The following GRIN2D variants were observed in gnomAD, a reference collection of about 807,000 sequenced individuals.
GRIN2D encodes the protein glutamate ionotropic receptor NMDA type subunit 2D, also known as glutamate receptor ionotropic, NMDA 2D.
GRIN2D carries 37 observed loss-of-function variants against 103.2 expected under a neutral mutation model. The ratio of observed to expected loss-of-function variants is 0.36; its 90% CI spans 0.28 to 0.47. GRIN2D has a LOEUF of 0.47. Among genes scored for constraint, GRIN2D ranks in the 20% least tolerant of loss-of-function variants. The pLI is 1.00. For synonymous variants in GRIN2D, 845 were observed against 885.6 expected (o/e 0.95, Z 0.81); for missense variants, 1,557 against 1,910.6 (o/e 0.81, Z 3.45).
intron 11 of GRIN2D, among the ~76,000 whole-genome samples, chr19:48,424,333 C>G (rs1388747798): frequency 1.4e-5 from 2 of 144,710 alleles, no homozygotes; most frequent in Admixed American, 7.1e-5. Context: ...TGCAGTGGCA[C>G]AATCTCGGCT....
rs935135704 is a variant in GRIN2D at position 48,398,838 on chromosome 19, C to T, written c.446C>T (p.Ala149Val). 4.2e-5 allele frequency: 58 copies of T among 1,384,334 alleles called. No individual in the cohort carries two copies. The highest frequency in any genetic ancestry group is 5.4e-5 in the Non-Finnish European group (58 of 1,069,676). 85.8% of individuals were successfully genotyped at this position (1,384,334 alleles called of 1,614,324 possible). The change falls in exon 3 of 14, where the codon GCG (alanine) becomes GTG (valine). Residue 149 changes from alanine (A) to valine (V), a missense_variant. Transcript: ENST00000263269. Reference sequence around the variant, plus strand: ...ATCGTGGCCGTGCACGGCGGCGCCGCGCTCGTGCTCACGCCCAAGGTGCGC... The same window carrying T: ...ATCGTGGCCGTGCACGGCGGCGCCGTGCTCGTGCTCACGCCCAAGGTGCGC... ...LPIVAVHGGA[A>V]LVLTPKEKGS...
chr19:48,414,530 G>C lies in GRIN2D; in HGVS notation c.1358G>C (p.Gly453Ala), dbSNP rs1322587826. 5 of 1,560,180 alleles carry C rather than the reference G, an allele frequency of 3.2e-6. No individual in the cohort carries two copies. Among genetic ancestry groups the C allele is most frequent in the Admixed American group, 1.9e-5 (1 of 51,754 alleles). ...VIVEPADPIS[G>A]TCIRDSVPCR... is the part of the protein sequence containing the mutation. Reference sequence around the variant, plus strand: ...GTGGAGCCTGCAGACCCTATCAGCGGCACCTGCATCCGAGACTCCGTCCCC... The same window carrying C: ...GTGGAGCCTGCAGACCCTATCAGCGCCACCTGCATCCGAGACTCCGTCCCC... The change falls in exon 6 of 14, where the codon GGC becomes GCC. Residue 453 changes from glycine (G) to alanine (A), a missense_variant. This residue lies in a region of GRIN2D where 197 missense variants were observed against 334.1 expected (regional missense o/e 0.59). Coordinates refer to ENST00000263269, the MANE Select transcript of GRIN2D (RefSeq NM_000836.4). This position sits in a 1 kb window ranked among gnomAD's most constrained non-coding sequence, Gnocchi z 4.6.
intron 4 of GRIN2D, among the ~76,000 whole-genome samples, chr19:48,407,589 G>C (rs1017567342): frequency 6.6e-6 from 1 of 152,268 alleles, no homozygotes; most frequent in South Asian, 2.1e-4. Flanking sequence ...TGTGACCTGA[G>C]GGATGAATTG....
chr19:48,414,220 T>C lies in GRIN2D; in HGVS notation c.1200+115T>C. 1.1e-6 allele frequency: 1 copy of C among 873,212 alleles called. No homozygotes were observed. Among genetic ancestry groups the C allele is most frequent in the Non-Finnish European group, 1.8e-6 (1 of 542,990 alleles). 54.1% of individuals were successfully genotyped at this position (873,212 alleles called of 1,614,324 possible). Reference sequence around the variant, plus strand: ...GGAGGAGGGGACAAGGAGCCTGGACTCCTGGGTCCTGGGATCTGAAGGTGG... The same window carrying C: ...GGAGGAGGGGACAAGGAGCCTGGACCCCTGGGTCCTGGGATCTGAAGGTGG... On this transcript the variant is annotated intron_variant, in intron 5 of 13. Coordinates refer to ENST00000263269, the MANE Select transcript of GRIN2D (RefSeq NM_000836.4). This position sits in a 1 kb window ranked among gnomAD's most constrained non-coding sequence, Gnocchi z 4.6.
intron 4 of GRIN2D, among the ~76,000 whole-genome samples, chr19:48,413,308 C>T (rs991981742): frequency 4.1e-5 from 6 of 146,392 alleles, no homozygotes; most frequent in African/African-American, 1.5e-4. Flanking sequence ...GGTGAAACCC[C>T]ATCTCTACTA....
At chr19:48,434,905 A>G (rs1384049638) in intron 11 of GRIN2D, among the ~76,000 whole-genome samples, 3 of 152,112 alleles carry the variant, frequency 2.0e-5, no homozygotes, top group Non-Finnish European at 4.4e-5. Context: ...TTTCATTTTA[A>G]TTGTTCATTG....
At chr19:48,432,222 C>CTTT (rs1006061692) in intron 11 of GRIN2D, among the ~76,000 whole-genome samples, 1 of 137,752 alleles carries the variant, frequency 7.3e-6, no homozygotes, top group Non-Finnish European at 1.6e-5. Flanking sequence ...CTTTTTCTTT[C>CTTT]TTTTTTTTTT....
Position 48,442,924 on chromosome 19 carries a change from C to A in GRIN2D, c.2998C>A (p.Pro1000Thr). ...GCTGTCCCCGCCGGCCGCTCAGCCC[C>A]CGCAGAAGCCGCCGCCCTCCTATTT... The part of the protein sequence containing the change: ...RPLSPPAAQP[P>T]QKPPPSYFAI... The change falls in exon 14 of 14, where the codon CCG (proline) becomes ACG (threonine). Residue 1000 changes from proline to threonine, a missense_variant. Physicochemically the swap from Pro to Thr is conservative, Grantham distance 38 (BLOSUM62 -1). Around this residue, in one of 7 missense-constraint regions of GRIN2D, gnomAD observed 632 missense variants for 572.8 expected, o/e 1.10. Transcript: ENST00000263269. The surrounding 1 kb of genome is among the most constrained non-coding windows in gnomAD (Gnocchi z 7.2). 1 of 1,128,996 alleles carries A rather than the reference C, an allele frequency of 8.9e-7. No homozygotes were observed. Among genetic ancestry groups the A allele is most frequent in the Non-Finnish European group, 1.1e-6 (1 of 917,004 alleles). 69.9% of individuals were successfully genotyped at this position (1,128,996 alleles called of 1,614,324 possible). A position where few individuals can be genotyped will look rare whatever the true frequency, so the allele number is the denominator to read the frequency against.
rs1407759881 is a variant in GRIN2D, at chr19:48,442,915, G to A, written c.2989G>A (p.Ala997Thr). The A allele has an allele frequency of 4.5e-6, 5 of 1,110,612 alleles. No homozygotes were observed. Among genetic ancestry groups the A allele is most frequent in the South Asian group, 3.2e-5 (1 of 31,262 alleles). The allele number at this position is 1,110,612 out of a possible 1,614,324, so 68.8% of individuals were successfully genotyped here. A position where few individuals can be genotyped will look rare whatever the true frequency, so the allele number is the denominator to read the frequency against. The change falls in exon 14 of 14, where the codon GCT becomes ACT. Residue 997 changes from alanine (A) to threonine (T), a missense_variant. Physicochemically the swap from Ala to Thr is moderately conservative, Grantham distance 58. Transcript: ENST00000263269. This position sits in a 1 kb window ranked among gnomAD's most constrained non-coding sequence, Gnocchi z 7.2. The part of the protein sequence containing the change: ...AAGRPLSPPA[A>T]QPPQKPPPSY... ...CGGGCGCCCGCTGTCCCCGCCGGCC[G>A]CTCAGCCCCCGCAGAAGCCGCCGCC...
rs1457906554 is a variant in GRIN2D at position 48,442,258 on chromosome 19, A to C, written c.2549A>C (p.Tyr850Ser). The change falls in exon 13 of 14, where the codon TAC (tyrosine) becomes TCC (serine). Residue 850 changes from tyrosine (Y) to serine (S), a missense_variant. Around this residue, in one of 7 missense-constraint regions of GRIN2D, gnomAD observed 138 missense variants for 270.2 expected, o/e 0.51. Transcript: ENST00000263269. This position sits in a 1 kb window ranked among gnomAD's most constrained non-coding sequence, Gnocchi z 7.2. ...LDIDNMAGVFYMLLVAMGLSL... is the reference protein window; with the variant it reads ...LDIDNMAGVFSMLLVAMGLSL... ...ATCGACAACATGGCGGGCGTCTTCT[A>C]CATGCTCCTGGTGGCCATGGGCCTG... The C allele has an allele frequency of 1.2e-6, 2 of 1,614,118 alleles. No homozygotes were observed. Among genetic ancestry groups the C allele is most frequent in the Admixed American group, 3.3e-5 (2 of 60,014 alleles).
In GRIN2D at chr19:48,442,190, C is replaced by T; in HGVS notation, c.2481C>T (p.Ile827=). ...EMLERLWLSG[I]CHNDKIEVMS... ...TGGAGCGGCTGTGGCTCTCTGGGATCTGCCACAATGACAAAATCGAGGTGA... is the reference window on the plus strand; with the variant it reads ...TGGAGCGGCTGTGGCTCTCTGGGATTTGCCACAATGACAAAATCGAGGTGA... Residue 827 remains isoleucine (I), a synonymous_variant, in exon 13 of 14, where the codon ATC becomes ATT. Coordinates refer to ENST00000263269, the MANE Select transcript of GRIN2D (RefSeq NM_000836.4). The surrounding 1 kb of genome is among the most constrained non-coding windows in gnomAD (Gnocchi z 7.2). 1 of 1,614,178 alleles carries T rather than the reference C, an allele frequency of 6.2e-7. No individual in the cohort carries two copies. The highest frequency in any genetic ancestry group is 8.5e-7 in the Non-Finnish European group (1 of 1,180,028).
chr19:48,418,490 G>T (rs1272681912), intron 8 of GRIN2D, among the ~76,000 whole-genome samples: 1 of 152,146 alleles, frequency 6.6e-6, no homozygotes, highest in East Asian at 1.9e-4. Flanking sequence ...TCTGTGCTGT[G>T]TGGGGGATAG....
intron 11 of GRIN2D, among the ~76,000 whole-genome samples, chr19:48,439,990 T>C (rs1348318537): frequency 6.6e-6 from 1 of 151,776 alleles, no homozygotes; most frequent in Non-Finnish European, 1.5e-5. Context: ...GTTGGGTGGA[T>C]CAACTGAGGT....
intron 11 of GRIN2D, among the ~76,000 whole-genome samples, chr19:48,422,906 C>A (rs1332074846): frequency 2.0e-5 from 3 of 152,084 alleles, no homozygotes; most frequent in Non-Finnish European, 4.4e-5. Context: ...ACCTGGCCAA[C>A]ATAGTGAAAC....
intron 10 of GRIN2D, among the ~76,000 whole-genome samples, chr19:48,420,377 G>C (rs906033714): frequency 2.7e-5 from 4 of 150,768 alleles, no homozygotes; most frequent in Admixed American, 2.0e-4. Context: ...GCAGTGAGCC[G>C]AGATCGCCCC....
intron 11 of GRIN2D, among the ~76,000 whole-genome samples, chr19:48,435,008 CATA>C (rs1971211860): frequency 6.6e-6 from 1 of 152,052 alleles, no homozygotes; most frequent in Non-Finnish European, 1.5e-5. Context: ...TTCTATTAGC[CATA>C]ATAATTTTTA....
chr19:48,436,691 G>T (rs1276986856), intron 11 of GRIN2D, among the ~76,000 whole-genome samples: 1 of 152,212 alleles, frequency 6.6e-6, no homozygotes, highest in Non-Finnish European at 1.5e-5. Flanking sequence ...GAAGCAAGAT[G>T]GAGTCAGTCA....
chr19:48,443,570 C>CCGCCGGGCCCCTGCCCCGA lies in GRIN2D; in HGVS notation c.3655_3673dup (p.Arg1225ProfsTer113). On this transcript the variant is annotated frameshift_variant, in exon 14 of 14. Coordinates refer to ENST00000263269, the MANE Select transcript of GRIN2D (RefSeq NM_000836.4). LOFTEE classifies it high-confidence loss of function. This position sits in a 1 kb window ranked among gnomAD's most constrained non-coding sequence, Gnocchi z 8.9. ...TGGGCGCCACCGCCTCCACCCTGGG[C>CCGCCGGGCCCCTGCCCCGA]CGCCGGGCCCCTGCCCCGACGCCGG... The CCGCCGGGCCCCTGCCCCGA allele has an allele frequency of 8.2e-7, 1 of 1,224,556 alleles. No individual in the cohort carries two copies. Among genetic ancestry groups the CCGCCGGGCCCCTGCCCCGA allele is most frequent in the Non-Finnish European group, 1.0e-6 (1 of 983,014 alleles). The allele number at this position is 1,224,556 out of a possible 1,614,324, so 75.9% of individuals were successfully genotyped here. A position where few individuals can be genotyped will look rare whatever the true frequency, so the allele number is the denominator to read the frequency against.
chr19:48,432,772 T>A (rs946450047), intron 11 of GRIN2D, among the ~76,000 whole-genome samples: 6 of 150,806 alleles, frequency 4.0e-5, no homozygotes, highest in Admixed American at 3.3e-4. Context: ...AACTGGACTT[T>A]CTTTTTTTTT....
Sources: gnomAD v4.1 joint callset for allele counts (sites outside exome capture counted in the v4.1 genomes callset) on GRCh38, gnomAD v4.1.1 for gene constraint, gnomAD v4.1.1 regional missense constraint, Gnocchi (gnomAD v3.1) non-coding constraint, MANE v1.5 for transcripts, NCBI Gene and HGNC (gene_info 2026-07-23, HGNC 2026-07-21) for gene names.